CDC42BPA: variants seen among roughly 807,000 people sequenced by gnomAD.
CDC42BPA encodes the protein CDC42 binding protein kinase alpha.
CDC42BPA carries 80 observed loss-of-function variants against 223.5 expected under a neutral mutation model. That is an observed-to-expected ratio of 0.36 (90% confidence interval 0.30 to 0.43). CDC42BPA has a LOEUF of 0.43. Among genes scored for constraint, CDC42BPA ranks in the 20% least tolerant of loss-of-function variants. CDC42BPA has a pLI of 1.00. For missense variants in CDC42BPA, 1,743 were observed against 2,099.9 expected (o/e 0.83, Z 3.32); for synonymous variants, 694 against 718.6 (o/e 0.97, Z 0.55).
chr1:227,267,933 G>C (rs866927613), intron 1 of CDC42BPA, among the ~76,000 whole-genome samples: 8 of 152,180 alleles, frequency 5.3e-5, no homozygotes, highest in Middle Eastern at 6.8e-3. Flanking sequence ...AAAAGACATG[G>C]GAGAAAGAAT....
rs757303064 is a variant in CDC42BPA at position 227,031,315 on chromosome 1, T to C, written c.3758A>G (p.Gln1253Arg). 1.2e-6 allele frequency: 2 copies of C among 1,613,224 alleles called. No individual in the cohort carries two copies. Among genetic ancestry groups the C allele is most frequent in the Admixed American group, 1.7e-5 (1 of 60,016 alleles). The change falls in exon 28 of 37, where the codon CAG (glutamine) becomes CGG (arginine). Residue 1253 changes from glutamine (Q) to arginine (R), a missense_variant. By Grantham distance (43) the Gln-to-Arg change is conservative. This residue lies in a region of CDC42BPA where 678 missense variants were observed against 777.5 expected (regional missense o/e 0.87). Coordinates refer to ENST00000366766, the MANE Select transcript of CDC42BPA (RefSeq NM_001394014.1). ...DSTLPLIKTT[Q>R]AAAIIDHERI... Reference sequence around the variant, plus strand: ...ATTCATACCTATGATTGCGGCTGCCTGGGTTGTTTTAATGAGGGGTAGAGT... The same window carrying C: ...ATTCATACCTATGATTGCGGCTGCCCGGGTTGTTTTAATGAGGGGTAGAGT...
At chr1:227,207,297 T>A (rs1465493754) in intron 3 of CDC42BPA, among the ~76,000 whole-genome samples, 1 of 139,904 alleles carries the variant, frequency 7.1e-6, no homozygotes, top group African/African-American at 2.7e-5. Flanking sequence ...AATTCCATGG[T>A]GTATATGTCA....
At chr1:227,007,010 T>C (rs546065393) in intron 34 of CDC42BPA, among the ~76,000 whole-genome samples, 1 of 152,070 alleles carries the variant, frequency 6.6e-6, no homozygotes, top group Admixed American at 6.6e-5. Flanking sequence ...CAATTCTGCT[T>C]GGTGGTGGGG....
chr1:227,275,968 G>GCAACCT (rs754995013), intron 1 of CDC42BPA, among the ~76,000 whole-genome samples: 14,647 of 151,912 alleles, frequency 0.096, 1,146 homozygotes, highest in East Asian at 0.35. Flanking sequence ...CCACCTCCCA[G>GCAACCT]CCACCTGCCT....
chr1:227,189,418 A>C (rs912010762), intron 5 of CDC42BPA, among the ~76,000 whole-genome samples: 10 of 152,188 alleles, frequency 6.6e-5, no homozygotes, highest in Admixed American at 5.2e-4. Flanking sequence ...TAATGCCTCA[A>C]ATTTATAATG....
chr1:227,254,198 T>C (rs749628187), intron 1 of CDC42BPA, 43 bp from the exon 2 acceptor site: 14 of 989,170 alleles, frequency 1.4e-5, no homozygotes, highest in Middle Eastern at 2.1e-4. Context: ...TAATAAAATG[T>C]GATGCAAATT....
At chr1:227,148,762 G>A (rs868028084) in intron 6 of CDC42BPA, among the ~76,000 whole-genome samples, 2 of 55,848 alleles carry the variant, frequency 3.6e-5, no homozygotes, top group Middle Eastern at 0.036. Context: ...GCAAGACTCG[G>A]TCTCAAAAGC....
chr1:227,005,748 G>A (rs2148373500), intron 34 of CDC42BPA, among the ~76,000 whole-genome samples: 1 of 152,168 alleles, frequency 6.6e-6, no homozygotes, highest in African/African-American at 2.4e-5. Flanking sequence ...ATTTCAAAGA[G>A]TTTATAAACA....
intron 21 of CDC42BPA, among the ~76,000 whole-genome samples, chr1:227,060,883 G>A (rs1286825678): frequency 6.6e-6 from 1 of 151,546 alleles, no homozygotes; most frequent in Non-Finnish European, 1.5e-5. Context: ...CACCATGCCC[G>A]GCTAATTTTT....
chr1:227,298,253 C>A (rs970063209), intron 1 of CDC42BPA, among the ~76,000 whole-genome samples: 5 of 151,516 alleles, frequency 3.3e-5, no homozygotes, highest in African/African-American at 1.2e-4. Context: ...TAAAGCACAT[C>A]CAAGAAATAT....
intron 5 of CDC42BPA, among the ~76,000 whole-genome samples, chr1:227,170,718 G>T (rs80087279): frequency 0.037 from 5,620 of 152,234 alleles, 185 homozygotes; most frequent in South Asian, 0.13. Flanking sequence ...TACTAAACTA[G>T]CAACAATTCA....
intron 1 of CDC42BPA, among the ~76,000 whole-genome samples, chr1:227,268,074 G>A (rs558416715): frequency 3.9e-5 from 6 of 152,272 alleles, no homozygotes; most frequent in African/African-American, 1.4e-4. Flanking sequence ...TCTCTGAAAA[G>A]TAACATTTTT....
At chr1:227,226,556 A>G (rs1428341769) in intron 2 of CDC42BPA, among the ~76,000 whole-genome samples, 1 of 152,228 alleles carries the variant, frequency 6.6e-6, no homozygotes, top group Non-Finnish European at 1.5e-5. Flanking sequence ...AACAGGAAAG[A>G]TTTGAAGTTC....
At chr1:227,225,352 C>T (rs1465692384) in intron 2 of CDC42BPA, among the ~76,000 whole-genome samples, 1 of 151,908 alleles carries the variant, frequency 6.6e-6, no homozygotes, top group Non-Finnish European at 1.5e-5. Flanking sequence ...TTTCATTAGT[C>T]AAAAGAGGGA....
At chr1:227,097,466 C>CATA (rs1684215813) in intron 15 of CDC42BPA, among the ~76,000 whole-genome samples, 1 of 152,156 alleles carries the variant, frequency 6.6e-6, no homozygotes, top group South Asian at 2.1e-4. Flanking sequence ...GTCAGGCAGA[C>CATA]ATAAGCAGGA....
At chr1:227,201,779 T>C (rs1242556117) in intron 3 of CDC42BPA, among the ~76,000 whole-genome samples, 1 of 151,922 alleles carries the variant, frequency 6.6e-6, no homozygotes, top group Admixed American at 6.6e-5. Context: ...GTAAGTTTTT[T>C]TTTTTTTTCA....
At chr1:227,257,816 C>CT (rs1683349366) in intron 1 of CDC42BPA, among the ~76,000 whole-genome samples, 1 of 150,282 alleles carries the variant, frequency 6.7e-6, no homozygotes. Context: ...TGGGTGAAAC[C>CT]TTTTTTAAAA....
At chr1:227,307,462 T>G (rs568904054) in intron 1 of CDC42BPA, among the ~76,000 whole-genome samples, 1 of 152,300 alleles carries the variant, frequency 6.6e-6, no homozygotes, top group African/African-American at 2.4e-5. Flanking sequence ...CTGTCAGCTG[T>G]TCTTCATAAG....
chr1:227,007,963 C>T (rs71648414), intron 34 of CDC42BPA, among the ~76,000 whole-genome samples: 1 of 152,310 alleles, frequency 6.6e-6, no homozygotes, highest in African/African-American at 2.4e-5. Context: ...ACACCCTCCT[C>T]CACACTCACC....
Sources: allele counts gnomAD v4.1 joint callset (sites outside exome capture counted in the v4.1 genomes callset), GRCh38; gene constraint gnomAD v4.1.1; regional missense constraint gnomAD v4.1.1; transcripts MANE v1.5; gene names NCBI Gene and HGNC (gene_info 2026-07-23, HGNC 2026-07-21).